The following LTBP1 variants were observed in gnomAD, a reference collection of about 807,000 sequenced individuals.
LTBP1 encodes latent-transforming growth factor beta-binding protein 1.
In LTBP1, 129 loss-of-function variants were observed where a neutral mutation model predicts 207.6. The observed-to-expected ratio is 0.62, with a 90% CI of 0.54 to 0.72. The LOEUF (loss-of-function observed/expected upper bound fraction) is 0.72, where lower values mean the gene tolerates loss of function less well. Ranked by LOEUF, LTBP1 falls within the 30% of genes least tolerant of loss-of-function variation. The pLI, the probability that LTBP1 is intolerant of heterozygous loss-of-function variation, is 0.00. For missense variants in LTBP1, 2,281 were observed against 2,217.2 expected, an observed-to-expected ratio of 1.03 and a Z score of -0.58; for synonymous variants, 963 against 833.7, an observed-to-expected ratio of 1.16 and a Z score of -2.67.
chr2:33,360,807 C>T, intron 27 of LTBP1, 28 bp downstream of exon 27: 1 of 1,608,334 alleles, frequency 6.2e-7, no homozygotes, highest in South Asian at 1.1e-5. Flanking sequence ...GGTAGAGTCA[C>T]ACTTGTGTTT....
intron 5 of LTBP1, among the ~76,000 whole-genome samples, chr2:33,177,879 C>T (rs1448877741): frequency 6.6e-6 from 1 of 152,198 alleles, no homozygotes; most frequent in Non-Finnish European, 1.5e-5. Context: ...TCTGAACACT[C>T]ATCTAGGCTT....
At chr2:33,353,723 T>G (rs766075556) in intron 26 of LTBP1, among the ~76,000 whole-genome samples, 11 of 152,024 alleles carry the variant, frequency 7.2e-5, no homozygotes, top group Admixed American at 3.3e-4. Flanking sequence ...GAGGTTAAAT[T>G]AAAAGAAAAA....
chr2:33,043,203 A>C (rs116058118), intron 3 of LTBP1, among the ~76,000 whole-genome samples: 38 of 152,338 alleles, frequency 2.5e-4, no homozygotes, highest in Non-Finnish European at 5.3e-4. Flanking sequence ...GCGTCAGATG[A>C]AATTAGGTAT....
chr2:33,138,870 T>A (rs1172350090), intron 5 of LTBP1, among the ~76,000 whole-genome samples: 9 of 116,650 alleles, frequency 7.7e-5, no homozygotes, highest in Admixed American at 3.0e-4. Context: ...TTTTTTTTTT[T>A]TTTTTTGAGA....
At chr2:33,339,772 A>G (rs1410789833) in intron 24 of LTBP1, among the ~76,000 whole-genome samples, 1 of 151,658 alleles carries the variant, frequency 6.6e-6, no homozygotes, top group Non-Finnish European at 1.5e-5. Context: ...CAGCCTCCCA[A>G]GTAACTGGGA....
intron 7 of LTBP1, among the ~76,000 whole-genome samples, chr2:33,204,657 G>A (rs1229586768): frequency 6.6e-6 from 1 of 151,850 alleles, no homozygotes; most frequent in Non-Finnish European, 1.5e-5. Context: ...ATAGCATGCT[G>A]CAAGCTCAAA....
chr2:33,173,314 A>G lies in LTBP1; in HGVS notation c.1202-13542A>G, dbSNP rs557115363. ...TCAAATAGACGCAATAAAAAATGAT[A>G]AAGGGGATATCACCACCGATCCCAC... On this transcript the variant is annotated intron_variant, in intron 5 of 33. Coordinates refer to ENST00000404816, the MANE Select transcript of LTBP1 (RefSeq NM_206943.4). 5.1e-4 allele frequency among the ~76,000 whole-genome samples: 77 copies of G among 151,744 alleles called. No individual in the cohort carries two copies. In the South Asian group the frequency reaches 0.011, roughly 22 times the overall value.
chr2:33,337,988 G>A (rs2094572406), intron 24 of LTBP1, among the ~76,000 whole-genome samples: 1 of 152,136 alleles, frequency 6.6e-6, no homozygotes, highest in Admixed American at 6.5e-5. Flanking sequence ...ATATCTCAGA[G>A]AGCTCACATC....
At chr2:33,121,017 G>T (rs1032894103) in intron 4 of LTBP1, among the ~76,000 whole-genome samples, 3 of 152,030 alleles carry the variant, frequency 2.0e-5, no homozygotes, top group Non-Finnish European at 4.4e-5. Context: ...AATATAATTC[G>T]CATGGAGCTA....
chr2:33,160,027 C>G (rs765763402), intron 5 of LTBP1, among the ~76,000 whole-genome samples: 30 of 152,028 alleles, frequency 2.0e-4, no homozygotes, highest in African/African-American at 7.2e-4. Context: ...CATAGGCACC[C>G]GCCACCACAC....
intron 1 of LTBP1, among the ~76,000 whole-genome samples, chr2:32,948,205 T>C (rs1676563024): frequency 6.6e-6 from 1 of 152,176 alleles, no homozygotes. Flanking sequence ...GTCTAGCTAA[T>C]GAAAAAAATG....
rs115801801 is a variant in LTBP1 at position 33,305,948 on chromosome 2, G to A, written c.3482-3486G>A. Among the ~76,000 whole-genome samples, 404 of 152,300 alleles carry A rather than the reference G, an allele frequency of 2.7e-3. 1 individual carries two copies. Among genetic ancestry groups the A allele is most frequent in the African/African-American group, 9.2e-3 (381 of 41,574 alleles). On this transcript the variant is annotated intron_variant, in intron 22 of 33. Coordinates refer to ENST00000404816, the MANE Select transcript of LTBP1 (RefSeq NM_206943.4). ...GTAGTTGGTGACCTCAACAAGCTCA[G>A]TCTTGGTAGAAAGATGACAGTGATT...
chr2:33,347,482 T>A lies in LTBP1; in HGVS notation c.3972T>A (p.Thr1324=). The A allele has an allele frequency of 1.2e-6, 2 of 1,614,196 alleles. No homozygotes were observed. The highest frequency in any genetic ancestry group is 1.7e-6 in the Non-Finnish European group (2 of 1,180,030). ...ADENQEYSPM[T]GQCRSRTSTD... ...AAAACCAAGAGTACAGCCCCATGACTGGGCAGTGCCGCTCCCGGACCTCCA... is the reference window on the plus strand; with the variant it reads ...AAAACCAAGAGTACAGCCCCATGACAGGGCAGTGCCGCTCCCGGACCTCCA... Residue 1324 remains threonine (T), a synonymous_variant, in exon 26 of 34, where the codon ACT becomes ACA. Coordinates refer to ENST00000404816, the MANE Select transcript of LTBP1 (RefSeq NM_206943.4).
At chr2:33,204,052 C>T (rs186695503) in intron 7 of LTBP1, among the ~76,000 whole-genome samples, 4 of 152,244 alleles carry the variant, frequency 2.6e-5, no homozygotes, top group African/African-American at 7.2e-5. Flanking sequence ...GAAGAATCAT[C>T]TGGTTTACTA....
intron 10 of LTBP1, among the ~76,000 whole-genome samples, chr2:33,252,053 G>A (rs577989651): frequency 1.3e-5 from 2 of 152,260 alleles, no homozygotes; most frequent in Admixed American, 6.5e-5. Context: ...AGTGTTTTCC[G>A]AAGAGCTGAG....
chr2:33,040,894 A>T (rs963041716), intron 3 of LTBP1, among the ~76,000 whole-genome samples: 2 of 152,158 alleles, frequency 1.3e-5, no homozygotes, highest in Non-Finnish European at 2.9e-5. Context: ...GAGACTCAGG[A>T]TAGCAGCTCT....
chr2:33,139,124 C>T lies in LTBP1; in HGVS notation c.1201+4164C>T, dbSNP rs1042042984. ...CCGCCCGCCTCGGCCTCCCAAAGTG[C>T]TGGGATTACAGGCGTGAGCCACCGC... On this transcript the variant is annotated intron_variant, in intron 5 of 33. Coordinates refer to ENST00000404816, the MANE Select transcript of LTBP1 (RefSeq NM_206943.4). Among the ~76,000 whole-genome samples the T allele has an allele frequency of 4.6e-5, 7 of 152,070 alleles. No homozygotes were observed. The East Asian group carries it at 1.2e-3, about 25-fold the overall frequency.
chr2:33,158,239 G>T (rs994978067), intron 5 of LTBP1, among the ~76,000 whole-genome samples: 15 of 148,744 alleles, frequency 1.0e-4, no homozygotes, highest in African/African-American at 3.7e-4. Context: ...TTCAACAAAA[G>T]AATGAATACA....
At chr2:33,286,811 C>G (rs893427697) in intron 19 of LTBP1, among the ~76,000 whole-genome samples, 2 of 152,160 alleles carry the variant, frequency 1.3e-5, no homozygotes, top group African/African-American at 4.8e-5. Context: ...AACCATCATT[C>G]TCAGCAAACT....
Sources: gnomAD v4.1 joint callset for allele counts (sites outside exome capture counted in the v4.1 genomes callset) on GRCh38, gnomAD v4.1.1 for gene constraint, MANE v1.5 for transcripts, NCBI Gene and HGNC (gene_info 2026-07-23, HGNC 2026-07-21) for gene names.